FREM3: variants seen among roughly 807,000 people sequenced by gnomAD.
FREM3 encodes the protein FRAS1 related extracellular matrix 3.
FREM3 carries 105 observed loss-of-function variants against 129.1 expected under a neutral mutation model. The observed-to-expected ratio is 0.81, with a 90% CI of 0.69 to 0.96. The LOEUF is 0.96. FREM3 is among the 40% of genes least tolerant of loss of function. FREM3 has a pLI of 0.00. For missense variants in FREM3, 2,593 were observed against 2,666.3 expected (o/e 0.97, Z 0.61); for synonymous variants, 1,014 against 1,044.9 (o/e 0.97, Z 0.57).
At chr4:143,600,977 T>C (rs935738587) in intron 6 of FREM3, among the ~76,000 whole-genome samples, 63 of 151,784 alleles carry the variant, frequency 4.2e-4, no homozygotes, top group African/African-American at 1.5e-3. Flanking sequence ...TTTTTTTTTT[T>C]TGAGATGTTG....
chr4:143,669,250 C>G (rs1440680209), intron 2 of FREM3, among the ~76,000 whole-genome samples: 4 of 152,136 alleles, frequency 2.6e-5, no homozygotes, highest in Non-Finnish European at 5.9e-5. Flanking sequence ...TATGAATTCT[C>G]TCACACAGAT....
chr4:143,696,342 G>T lies in FREM3; in HGVS notation c.4334C>A (p.Thr1445Asn). 6.5e-7 allele frequency: 1 copy of T among 1,537,354 alleles called. No homozygotes were observed. The highest frequency in any genetic ancestry group is 8.7e-7 in the Non-Finnish European group (1 of 1,146,948). Residue 1445 changes from threonine (T) to asparagine (N), a missense_variant, in exon 1 of 8, where the codon ACC (threonine) becomes AAC (asparagine). Thr to Asn is a moderately conservative substitution (Grantham distance 65, BLOSUM62 0). Around this residue, in one of 2 missense-constraint regions of FREM3, gnomAD observed 2,276 missense variants for 2,267.2 expected, o/e 1.00. Transcript: ENST00000329798. Reference protein sequence around the residue: ...TLIEGARVTLTNNLLTNSDIN... With the variant: ...TLIEGARVTLNNNLLTNSDIN... ...GTCACTGTTGGTAAGCAGATTGTTG[G>T]TAAGGGTCACTCTGGCACCTTCTAT...
intron 6 of FREM3, among the ~76,000 whole-genome samples, chr4:143,608,506 A>G (rs539124918): frequency 6.6e-6 from 1 of 152,236 alleles, no homozygotes; most frequent in African/African-American, 2.4e-5. Flanking sequence ...AGCCTATTCT[A>G]ATTGTTAGGT....
At position 143,700,478 on chromosome 4, in the gene FREM3, G is replaced by T. The variant is rs899261998; in HGVS notation, c.198C>A (p.Asn66Lys). Reference sequence around the variant, plus strand: ...GACCCAGGGGCACCCGGAGTCCAGGGTTGGCAATCAGCACGCTGGGGCCGT... The same window carrying T: ...GACCCAGGGGCACCCGGAGTCCAGGTTTGGCAATCAGCACGCTGGGGCCGT... ...RPDGPSVLIA[N>K]PGLRVPLGRS... Residue 66 changes from asparagine to lysine, a missense_variant, in exon 1 of 8, where the codon AAC becomes AAA. Around this residue, in one of 2 missense-constraint regions of FREM3, gnomAD observed 2,276 missense variants for 2,267.2 expected, o/e 1.00. Transcript: ENST00000329798. The T allele has an allele frequency of 4.6e-6, 7 of 1,511,394 alleles. No individual in the cohort carries two copies. The African/African-American group carries it at 6.9e-5, about 15-fold the overall frequency. 93.6% of individuals were successfully genotyped at this position (1,511,394 alleles called of 1,614,324 possible). A position where few individuals can be genotyped will look rare whatever the true frequency, so the allele number is the denominator to read the frequency against.
chr4:143,580,497 T>C (rs1412713747), intron 7 of FREM3, among the ~76,000 whole-genome samples: 1 of 152,190 alleles, frequency 6.6e-6, no homozygotes, highest in Non-Finnish European at 1.5e-5. Flanking sequence ...GGCTCAGGCA[T>C]GCATGGAGTC....
rs764348009 is a variant in FREM3 at position 143,624,291 on chromosome 4, A to G, written c.5470T>C (p.Trp1824Arg). The G allele has an allele frequency of 1.3e-6, 2 of 1,536,940 alleles. No individual in the cohort carries two copies. Among genetic ancestry groups the G allele is most frequent in the Non-Finnish European group, 1.7e-6 (2 of 1,146,800 alleles). The change falls in exon 4 of 8, where the codon TGG (tryptophan) becomes CGG (arginine). Residue 1824 changes from tryptophan to arginine, a missense_variant. Physicochemically the swap from Trp to Arg is moderately radical, Grantham distance 101 (BLOSUM62 -3). Coordinates refer to ENST00000329798, the MANE Select transcript of FREM3 (RefSeq NM_001168235.2). ...ETAKKDKDFK[W>R]KTNKQIQFNP... Reference sequence around the variant, plus strand: ...AACTGGATCTGTTTATTGGTCTTCCATTTGAAATCTTTGTCTTTTTTTGCA... The same window carrying G: ...AACTGGATCTGTTTATTGGTCTTCCGTTTGAAATCTTTGTCTTTTTTTGCA...
rs70953742 is a variant in FREM3 at position 143,595,889 on chromosome 4, G to GAAAAAAAAAAAA, written c.6029-9908_6029-9897dup. On this transcript the variant is annotated intron_variant, in intron 6 of 7. Transcript: ENST00000329798. ...GGCGACAGAGCGAGACGCCATCTCA[G>GAAAAAAAAAAAA]AAAAAAAAAAAAAAAGAAGGAACTG... is the stretch of plus-strand genomic sequence containing the variant. 3.0e-3 allele frequency among the ~76,000 whole-genome samples: 330 copies of GAAAAAAAAAAAA among 110,604 alleles called. 15 individuals are homozygous for GAAAAAAAAAAAA. Among genetic ancestry groups the GAAAAAAAAAAAA allele is most frequent in the African/African-American group, 0.011 (315 of 27,830 alleles). The allele number at this position is 110,604 out of a possible 152,430, so 72.6% of individuals were successfully genotyped here. A position where few individuals can be genotyped will look rare whatever the true frequency, so the allele number is the denominator to read the frequency against.
chr4:143,608,664 A>G (rs2149838763), intron 6 of FREM3, among the ~76,000 whole-genome samples: 1 of 152,274 alleles, frequency 6.6e-6, no homozygotes, highest in African/African-American at 2.4e-5. Context: ...AAATTATATA[A>G]TGCACTTGCT....
At chr4:143,609,795 A>C (rs753994602) in intron 6 of FREM3, among the ~76,000 whole-genome samples, 3 of 152,188 alleles carry the variant, frequency 2.0e-5, no homozygotes, top group Non-Finnish European at 2.9e-5. Flanking sequence ...CAACCAGACA[A>C]ATTTACTCAG....
intron 2 of FREM3, among the ~76,000 whole-genome samples, chr4:143,650,122 C>G (rs766875152): frequency 6.6e-6 from 1 of 152,168 alleles, no homozygotes; most frequent in Non-Finnish European, 1.5e-5. Flanking sequence ...GATTCTATAA[C>G]AAAAGAAGTC....
intron 6 of FREM3, among the ~76,000 whole-genome samples, chr4:143,594,335 A>T (rs1216055618): frequency 1.3e-5 from 2 of 152,166 alleles, no homozygotes; most frequent in African/African-American, 4.8e-5. Flanking sequence ...TGGGAGCTGT[A>T]GACTGGAGCT....
In FREM3 at chr4:143,695,666, GGCTGGGGCACCCCT is replaced by G. The variant is rs1740552188; in HGVS notation, c.4996_5009del (p.Arg1666LeufsTer33). On this transcript the variant is annotated frameshift_variant, in exon 1 of 8. Coordinates refer to ENST00000329798, the MANE Select transcript of FREM3 (RefSeq NM_001168235.2). LOFTEE classifies it high-confidence loss of function. Reference sequence around the variant, plus strand: ...TGTGTCCAGTGTGAAGGCGCTTCAAGGCTGGGGCACCCCTGTTGGTAGTAATCTGGGGAAGCCTA... The same window carrying G: ...TGTGTCCAGTGTGAAGGCGCTTCAAGGTTGGTAGTAATCTGGGGAAGCCTA... 3.3e-6 allele frequency: 5 copies of G among 1,537,240 alleles called. No individual in the cohort carries two copies. The highest frequency in any genetic ancestry group is 4.4e-6 in the Non-Finnish European group (5 of 1,146,920).
Position 143,585,794 on chromosome 4 carries a change from C to G in FREM3, c.6178+50G>C. On this transcript the variant is annotated intron_variant, in intron 7 of 7. Coordinates refer to ENST00000329798, the MANE Select transcript of FREM3 (RefSeq NM_001168235.2). This position sits in a 1 kb window ranked among gnomAD's most constrained non-coding sequence, Gnocchi z 4.2. ...CTTACACTTAACAGACTAGACTCCA[C>G]CATAAACATGTATCATGATAATGAT... The G allele has an allele frequency of 6.6e-7, 1 of 1,517,546 alleles. No homozygotes were observed. Among genetic ancestry groups the G allele is most frequent in the Non-Finnish European group, 8.8e-7 (1 of 1,131,868 alleles). The allele number at this position is 1,517,546 out of a possible 1,614,324, so 94.0% of individuals were successfully genotyped here.
chr4:143,605,312 C>T (rs532220253), intron 6 of FREM3, among the ~76,000 whole-genome samples: 1 of 152,168 alleles, frequency 6.6e-6, no homozygotes, highest in South Asian at 2.1e-4. Context: ...CAAGGGTATA[C>T]TATTTCTTCA....
intron 6 of FREM3, among the ~76,000 whole-genome samples, chr4:143,591,887 A>C (rs1227979205): frequency 6.6e-6 from 1 of 152,232 alleles, no homozygotes; most frequent in Non-Finnish European, 1.5e-5. Context: ...GTCTCTTTGT[A>C]GGTCACTAAG....
In FREM3 at chr4:143,696,233, T is replaced by A; in HGVS notation, c.4443A>T (p.Glu1481Asp). 6.5e-7 allele frequency: 1 copy of A among 1,537,838 alleles called. No individual in the cohort carries two copies. Among genetic ancestry groups the A allele is most frequent in the Non-Finnish European group, 8.7e-7 (1 of 1,147,046 alleles). ...GAAGTTGAGTGAAAGAGGCAATGGG[T>A]TCCCCAGCATAGTCAGAACTTTCTA... ...GHLESSDYAG[E>D]PIASFTQLQL... The change falls in exon 1 of 8, where the codon GAA becomes GAT. Residue 1481 changes from glutamate to aspartate, a missense_variant. Glu to Asp is a conservative substitution (Grantham distance 45). Around this residue, in one of 2 missense-constraint regions of FREM3, gnomAD observed 2,276 missense variants for 2,267.2 expected, o/e 1.00. Coordinates refer to ENST00000329798, the MANE Select transcript of FREM3 (RefSeq NM_001168235.2).
intron 2 of FREM3, among the ~76,000 whole-genome samples, chr4:143,656,730 ATTG>A (rs1739607718): frequency 6.6e-6 from 1 of 152,196 alleles, no homozygotes; most frequent in Admixed American, 6.5e-5. Context: ...CTACAATTAG[ATTG>A]TGGTGATGGT....
intron 7 of FREM3, among the ~76,000 whole-genome samples, chr4:143,580,337 G>A (rs1201166887): frequency 5.9e-5 from 9 of 152,122 alleles, no homozygotes; most frequent in Admixed American, 3.9e-4. Context: ...GATCCCCACC[G>A]TGGGTAAATG....
chr4:143,579,778 T>G (rs1738100472), intron 7 of FREM3, among the ~76,000 whole-genome samples: 2 of 152,214 alleles, frequency 1.3e-5, no homozygotes, highest in African/African-American at 4.8e-5. Context: ...TACATAAGAT[T>G]AATATAGTTA....
Sources: allele counts gnomAD v4.1 joint callset (sites outside exome capture counted in the v4.1 genomes callset), GRCh38; gene constraint gnomAD v4.1.1; regional missense constraint gnomAD v4.1.1; non-coding constraint Gnocchi (gnomAD v3.1); transcripts MANE v1.5; gene names NCBI Gene and HGNC (gene_info 2026-07-23, HGNC 2026-07-21).